Variants in SLC25A21 observed in about 807,000 individuals in gnomAD.
The protein encoded by SLC25A21 is solute carrier family 25 member 21, also known as mitochondrial 2-oxodicarboxylate carrier.
Under a neutral mutation model 43.8 loss-of-function variants are expected in SLC25A21, and 47 were observed. The ratio of observed to expected loss-of-function variants is 1.07; its 90% CI spans 0.85 to 1.37. The LOEUF is 1.37. Among genes scored for constraint, SLC25A21 ranks in the 40% most tolerant of loss-of-function variants. The probability of loss-of-function intolerance (pLI) is 0.00; values close to 1 mark genes in which losing one functional copy is unlikely to be tolerated. For synonymous variants in SLC25A21, 131 were observed against 121.3 expected, an observed-to-expected ratio of 1.08 and a Z score of -0.52; for missense variants, 352 against 350.2, an observed-to-expected ratio of 1.00 and a Z score of -0.04.
chr14:37,052,134 A>G (rs1223829932), intron 1 of SLC25A21, among the ~76,000 whole-genome samples: 2 of 152,244 alleles, frequency 1.3e-5, no homozygotes, highest in Non-Finnish European at 2.9e-5. Context: ...TTATATGCAT[A>G]ATAAATTTCC....
chr14:37,062,149 T>C lies in SLC25A21; in HGVS notation c.70+110132A>G, dbSNP rs543010095. Among the ~76,000 whole-genome samples the C allele has an allele frequency of 2.6e-5, 4 of 152,368 alleles. No individual in the cohort carries two copies. In the East Asian group the frequency reaches 7.7e-4, roughly 29 times the overall value. On this transcript the variant is annotated intron_variant, in intron 1 of 9. Transcript: ENST00000331299. ...AGAGAAGTAATAAAATACTTTGTTT[T>C]GGGGATTCTTTCATTTTAACTACAT...
rs575232496 is a variant in SLC25A21, at chr14:36,798,486, T to G, written c.203+15432A>C. 1.1e-4 allele frequency among the ~76,000 whole-genome samples: 17 copies of G among 152,254 alleles called. No individual in the cohort carries two copies. The East Asian group carries it at 2.3e-3, about 21-fold the overall frequency. ...ACAAAGGCTAATAGAATCATGTGAC[T>G]GAAACACTCATTTTTGCTCATACAG... On this transcript the variant is annotated intron_variant, in intron 3 of 9. Transcript: ENST00000331299.
chr14:36,867,825 A>C (rs1196970773), intron 2 of SLC25A21, among the ~76,000 whole-genome samples: 2 of 149,162 alleles, frequency 1.3e-5, no homozygotes, highest in East Asian at 3.9e-4. Context: ...GTGTGTGTAC[A>C]CTCATTTATT....
chr14:37,160,681 G>A (rs894936681), intron 1 of SLC25A21, among the ~76,000 whole-genome samples: 3 of 152,022 alleles, frequency 2.0e-5, no homozygotes, highest in African/African-American at 7.3e-5. Context: ...TGTAACCCCA[G>A]CACTTTGGGA....
intron 2 of SLC25A21, among the ~76,000 whole-genome samples, chr14:36,850,821 G>A (rs1238784560): frequency 1.3e-5 from 2 of 152,088 alleles, no homozygotes; most frequent in Non-Finnish European, 2.9e-5. Context: ...CAATATTTTG[G>A]TCTTGATTAT....
intron 1 of SLC25A21, among the ~76,000 whole-genome samples, chr14:37,068,666 C>T (rs936542066): frequency 6.6e-6 from 1 of 152,114 alleles, no homozygotes; most frequent in Non-Finnish European, 1.5e-5. Flanking sequence ...AGTGCAAATT[C>T]TTTGCTTACT....
chr14:36,759,015 C>G (rs2764962), intron 3 of SLC25A21, among the ~76,000 whole-genome samples: 3 of 152,068 alleles, frequency 2.0e-5, no homozygotes, highest in Non-Finnish European at 4.4e-5. Flanking sequence ...CGTTATTCAG[C>G]TCATGTTCAT....
intron 3 of SLC25A21, among the ~76,000 whole-genome samples, chr14:36,775,995 C>G (rs78902087): frequency 0.022 from 3,303 of 152,178 alleles, 96 homozygotes; most frequent in African/African-American, 0.072. Context: ...ATTTTTCTAT[C>G]CTTGCCCTAC....
At chr14:36,931,419 G>A (rs750225530) in intron 1 of SLC25A21, among the ~76,000 whole-genome samples, 1 of 152,110 alleles carries the variant, frequency 6.6e-6, no homozygotes, top group Non-Finnish European at 1.5e-5. Context: ...CCAAGGTGTC[G>A]AGGTGAGAGA....
At chr14:37,138,904 T>C (rs982458131) in intron 1 of SLC25A21, among the ~76,000 whole-genome samples, 1 of 152,162 alleles carries the variant, frequency 6.6e-6, no homozygotes, top group Admixed American at 6.5e-5. Context: ...GTATAAATGA[T>C]ATGGTAAATT....
chr14:36,992,468 A>G (rs1181451065), intron 1 of SLC25A21, among the ~76,000 whole-genome samples: 4 of 152,166 alleles, frequency 2.6e-5, no homozygotes, highest in Admixed American at 2.6e-4. Flanking sequence ...TTTCTTGGAC[A>G]CTAATTCTAA....
At chr14:37,150,268 T>C (rs1267734171) in intron 1 of SLC25A21, among the ~76,000 whole-genome samples, 3 of 152,192 alleles carry the variant, frequency 2.0e-5, no homozygotes, top group Non-Finnish European at 4.4e-5. Flanking sequence ...GAGTTTCAGG[T>C]AATCTCTAAG....
In SLC25A21 at chr14:36,692,377, T is replaced by C. The variant is rs1882828100; in HGVS notation, c.604-7452A>G. 1.3e-5 allele frequency among the ~76,000 whole-genome samples: 2 copies of C among 152,210 alleles called. 1 individual carries two copies. Among genetic ancestry groups the C allele is most frequent in the South Asian group, 4.1e-4 (2 of 4,830 alleles). On this transcript the variant is annotated intron_variant, in intron 7 of 9. Coordinates refer to ENST00000331299, the MANE Select transcript of SLC25A21 (RefSeq NM_030631.4). Reference sequence around the variant, plus strand: ...CTCAAAACAGTTAACACCCTACACATTTGTAGCTAATTTAACCATATAGTC... The same window carrying C: ...CTCAAAACAGTTAACACCCTACACACTTGTAGCTAATTTAACCATATAGTC...
chr14:36,757,150 C>A (rs930189450), intron 3 of SLC25A21, among the ~76,000 whole-genome samples: 2 of 151,328 alleles, frequency 1.3e-5, no homozygotes, highest in Non-Finnish European at 2.9e-5. Flanking sequence ...CCCAGTTACT[C>A]CAGAGGCTGA....
intron 2 of SLC25A21, among the ~76,000 whole-genome samples, chr14:36,862,779 G>C (rs1203796203): frequency 6.6e-6 from 1 of 152,148 alleles, no homozygotes; most frequent in Non-Finnish European, 1.5e-5. Context: ...GAGATTATCT[G>C]AGAAAAGTTT....
chr14:37,004,009 G>C (rs1028338292), intron 1 of SLC25A21, among the ~76,000 whole-genome samples: 1 of 152,018 alleles, frequency 6.6e-6, no homozygotes, highest in Non-Finnish European at 1.5e-5. Flanking sequence ...GTGGGAATGA[G>C]AACTCACCCG....
At chr14:36,846,204 GAGAA>G (rs1005626664) in intron 2 of SLC25A21, among the ~76,000 whole-genome samples, 4 of 152,074 alleles carry the variant, frequency 2.6e-5, no homozygotes, top group South Asian at 2.1e-4. Flanking sequence ...CTTTCTAGTT[GAGAA>G]AGAATCTATA....
intron 2 of SLC25A21, among the ~76,000 whole-genome samples, chr14:36,826,779 C>T (rs1888848075): frequency 6.6e-6 from 1 of 152,170 alleles, no homozygotes. Flanking sequence ...AATGGGCTGT[C>T]CTGGGGGGAG....
At chr14:36,918,922 C>A (rs1356936158) in intron 1 of SLC25A21, among the ~76,000 whole-genome samples, 1 of 151,910 alleles carries the variant, frequency 6.6e-6, no homozygotes, top group African/African-American at 2.4e-5. Context: ...TAACAACCCT[C>A]CTCTGTGAAA....
Sources: allele counts gnomAD v4.1 joint callset (sites outside exome capture counted in the v4.1 genomes callset), GRCh38; gene constraint gnomAD v4.1.1; transcripts MANE v1.5; gene names NCBI Gene and HGNC (gene_info 2026-07-23, HGNC 2026-07-21).